Variants in SYNE3 observed in about 807,000 individuals in gnomAD.
The protein encoded by SYNE3 is nesprin-3.
A neutral mutation model predicts 111.2 loss-of-function variants in SYNE3; 100 were observed. The observed-to-expected ratio is 0.90, with a 90% CI of 0.77 to 1.06. SYNE3 has a LOEUF of 1.06. Among genes scored for constraint, SYNE3 ranks in the 50% least tolerant of loss-of-function variants. The probability of loss-of-function intolerance (pLI) is 0.00; values close to 1 mark genes in which losing one functional copy is unlikely to be tolerated. For missense variants in SYNE3, 1,160 were observed against 1,240.3 expected, an observed-to-expected ratio of 0.94 and a Z score of 0.97; for synonymous variants, 547 against 533.9, an observed-to-expected ratio of 1.02 and a Z score of -0.34.
intron 1 of SYNE3, among the ~76,000 whole-genome samples, chr14:95,478,586 C>T (rs571553087): frequency 1.3e-5 from 2 of 152,190 alleles, no homozygotes; most frequent in Non-Finnish European, 1.5e-5. Context: ...CCTCCCACAG[C>T]CATTGCACAG....
intron 1 of SYNE3, among the ~76,000 whole-genome samples, chr14:95,505,401 C>G (rs530169170): frequency 4.5e-4 from 68 of 152,212 alleles, no homozygotes; most frequent in Non-Finnish European, 3.4e-4. Flanking sequence ...CTGCTTACCC[C>G]ACTCTCTGCC....
In SYNE3 at chr14:95,470,778, T is replaced by C. The variant is rs1310731866; in HGVS notation, c.145-2811A>G. On this transcript the variant is annotated intron_variant, in intron 2 of 17. Transcript: ENST00000682763. This position sits in a 1 kb window ranked among gnomAD's most constrained non-coding sequence, Gnocchi z 4.2. ...TTTGAGGCCATCCTGGCCAACATGG[T>C]GAAACACCGTCTCTACTGAAAATAC... 2.0e-5 allele frequency among the ~76,000 whole-genome samples: 3 copies of C among 152,008 alleles called. No homozygotes were observed. The highest frequency in any genetic ancestry group is 4.8e-5 in the African/African-American group (2 of 41,392).
At chr14:95,468,930 C>T (rs908029698) in intron 2 of SYNE3, among the ~76,000 whole-genome samples, 3 of 152,148 alleles carry the variant, frequency 2.0e-5, no homozygotes, top group Non-Finnish European at 4.4e-5. Context: ...GGATTCCAAT[C>T]CCAGGGCCAC....
chr14:95,464,648 G>T (rs7158966), intron 4 of SYNE3, among the ~76,000 whole-genome samples: 2 of 151,982 alleles, frequency 1.3e-5, no homozygotes, highest in Non-Finnish European at 2.9e-5. Context: ...TCACTGACAT[G>T]AAAATAGGAG....
intron 1 of SYNE3, among the ~76,000 whole-genome samples, chr14:95,502,879 T>C (rs1229955889): frequency 1.3e-5 from 2 of 152,174 alleles, no homozygotes; most frequent in Non-Finnish European, 2.9e-5. Flanking sequence ...GTTTCTAAAG[T>C]AGAGCTCCAT....
chr14:95,504,615 A>T (rs932728339), intron 1 of SYNE3, among the ~76,000 whole-genome samples: 3 of 152,136 alleles, frequency 2.0e-5, no homozygotes, highest in Non-Finnish European at 4.4e-5. Flanking sequence ...TCCTCCAAGC[A>T]CTATCTGAAT....
chr14:95,418,080 G>T, intron 17 of SYNE3, 54 bp from the exon 18 acceptor site: 1 of 1,589,970 alleles, frequency 6.3e-7, no homozygotes. Context: ...GGTGGTGGGG[G>T]GCAGGTTCAG....
intron 2 of SYNE3, among the ~76,000 whole-genome samples, chr14:95,474,462 AG>A (rs1262594356): frequency 6.6e-6 from 1 of 152,190 alleles, no homozygotes; most frequent in Non-Finnish European, 1.5e-5. Context: ...GGCAGAAAGC[AG>A]GGGGTATTCC....
At chr14:95,437,061 A>T in intron 14 of SYNE3, 80 bp from the exon 15 acceptor site, 2 of 1,582,524 alleles carry the variant, frequency 1.3e-6, no homozygotes, top group South Asian at 2.3e-5. Context: ...CACCTGAGGC[A>T]GAGGGGCAGG....
rs951250015 is a variant in SYNE3 at position 95,409,962 on chromosome 14, C to T, written c.*7864G>A. 1.6e-4 allele frequency: 25 copies of T among 156,786 alleles called. No homozygotes were observed. The highest frequency in any genetic ancestry group is 6.1e-5 in the Admixed American group (1 of 16,450). The allele number at this position is 156,786 out of a possible 1,614,324, so 9.7% of individuals were successfully genotyped here. On this transcript the variant is annotated 3_prime_UTR_variant, in exon 18 of 18. Coordinates refer to ENST00000682763, the MANE Select transcript of SYNE3 (RefSeq NM_152592.6). Reference sequence around the variant, plus strand: ...GATTTGCACCCAGGAGCTCCTCAAGCTCAAGAAGAAATGAAAGCAAATATG... The same window carrying T: ...GATTTGCACCCAGGAGCTCCTCAAGTTCAAGAAGAAATGAAAGCAAATATG...
intron 17 of SYNE3, among the ~76,000 whole-genome samples, chr14:95,427,019 A>G (rs184231205): frequency 9.9e-5 from 15 of 151,934 alleles, no homozygotes; most frequent in Non-Finnish European, 1.9e-4. Context: ...ATCATTAATC[A>G]TTAGTTTGTA....
chr14:95,418,608 C>G (rs899233486), intron 17 of SYNE3, among the ~76,000 whole-genome samples: 1 of 150,164 alleles, frequency 6.7e-6, no homozygotes, highest in Non-Finnish European at 1.5e-5. Context: ...TTCTTTCTTT[C>G]TTTTTTTTCC....
At chr14:95,503,463 C>T (rs1047167605) in intron 1 of SYNE3, among the ~76,000 whole-genome samples, 1 of 152,194 alleles carries the variant, frequency 6.6e-6, no homozygotes, top group Non-Finnish European at 1.5e-5. Context: ...GGCTAAGTCA[C>T]CTGCCCTAAG....
rs149167483 is a variant in SYNE3 at position 95,439,963 on chromosome 14, C to T, written c.2024G>A (p.Arg675Gln). ...GGCATCCCCCGGGCCCGCCTCTCCC[C>T]GGTGTGCCTCCAGCTTTTGCGTGGT... is the stretch of plus-strand genomic sequence containing the variant. ...VVTTQKLEAH[R>Q]GEAGPGDAES... Residue 675 changes from arginine (R) to glutamine (Q), a missense_variant, in exon 12 of 18, where the codon CGG becomes CAG. Coordinates refer to ENST00000682763, the MANE Select transcript of SYNE3 (RefSeq NM_152592.6). The T allele has an allele frequency of 1.2e-4, 191 of 1,614,074 alleles. No individual in the cohort carries two copies. Among genetic ancestry groups the T allele is most frequent in the Admixed American group, 3.7e-4 (22 of 60,022 alleles).
rs530106374 is a variant in SYNE3, at chr14:95,439,203, T to G, written c.2247-41A>C. On this transcript the variant is annotated intron_variant, in intron 13 of 17. Coordinates refer to ENST00000682763, the MANE Select transcript of SYNE3 (RefSeq NM_152592.6). ...CAGCCCAGTCAATGCAGAGATGTGG[T>G]GGGGACCCACCAGGACATGGGAAAA... The G allele has an allele frequency of 4.7e-5, 75 of 1,611,910 alleles. No individual in the cohort carries two copies. In the African/African-American group the frequency reaches 9.1e-4, roughly 19 times the overall value.
At chr14:95,492,025 A>G (rs1445047477) in intron 1 of SYNE3, among the ~76,000 whole-genome samples, 2 of 152,240 alleles carry the variant, frequency 1.3e-5, no homozygotes, top group Admixed American at 1.3e-4. Flanking sequence ...CACAGAAAAG[A>G]TTCTCAACAT....
At chr14:95,447,416 G>T (rs533343517) in intron 8 of SYNE3, among the ~76,000 whole-genome samples, 6 of 152,116 alleles carry the variant, frequency 3.9e-5, no homozygotes, top group African/African-American at 1.4e-4. Flanking sequence ...GATTACAGGC[G>T]TGAGCCACCG....
chr14:95,505,633 T>G (rs1022116152), intron 1 of SYNE3, among the ~76,000 whole-genome samples: 123 of 151,996 alleles, frequency 8.1e-4, no homozygotes, highest in African/African-American at 3.0e-3. Context: ...TTGTTTATTT[T>G]AAAAGAAGTT....
chr14:95,491,597 C>A (rs868057865), intron 1 of SYNE3, among the ~76,000 whole-genome samples: 1 of 152,110 alleles, frequency 6.6e-6, no homozygotes, highest in Non-Finnish European at 1.5e-5. Flanking sequence ...AAGACCTACA[C>A]GTAAGAGCCA....
Sources: allele counts gnomAD v4.1 joint callset (sites outside exome capture counted in the v4.1 genomes callset), GRCh38; gene constraint gnomAD v4.1.1; non-coding constraint Gnocchi (gnomAD v3.1); transcripts MANE v1.5; gene names NCBI Gene and HGNC (gene_info 2026-07-23, HGNC 2026-07-21).